The following KLF12 variants were observed in gnomAD, a reference collection of about 807,000 sequenced individuals.
KLF12 encodes Krueppel-like factor 12.
A neutral mutation model predicts 37.8 loss-of-function variants in KLF12; 9 were observed. That is an observed-to-expected ratio of 0.24 (90% confidence interval 0.14 to 0.42). The LOEUF is 0.42. Among genes scored for constraint, KLF12 ranks in the 10% least tolerant of loss-of-function variants. The pLI is 1.00. For synonymous variants in KLF12, 208 were observed against 202.1 expected (o/e 1.03, Z -0.25); for missense variants, 411 against 516.0 (o/e 0.80, Z 1.97).
rs150080724 is a variant in KLF12, at chr13:73,775,706, G to C, written c.807-10706C>G. ...GGTAGTTATGCTATTAGTCCCACTGGTAACACCATTTATTTGGTGAGCTCT... is the reference window on the plus strand; with the variant it reads ...GGTAGTTATGCTATTAGTCCCACTGCTAACACCATTTATTTGGTGAGCTCT... On this transcript the variant is annotated intron_variant, in intron 5 of 7. Transcript: ENST00000377669. 7.8e-3 allele frequency among the ~76,000 whole-genome samples: 1,190 copies of C among 152,240 alleles called. 10 individuals are homozygous for C. Among genetic ancestry groups the C allele is most frequent in the Admixed American group, 9.9e-3 (152 of 15,294 alleles).
At chr13:74,076,192 T>C (rs1018418598) in intron 1 of KLF12, among the ~76,000 whole-genome samples, 3 of 152,166 alleles carry the variant, frequency 2.0e-5, no homozygotes, top group South Asian at 2.1e-4. Flanking sequence ...TAAAAGAAAA[T>C]TTTAAAAGGT....
chr13:73,751,458 C>A (rs1214705763), intron 6 of KLF12, among the ~76,000 whole-genome samples: 1 of 152,124 alleles, frequency 6.6e-6, no homozygotes, highest in Non-Finnish European at 1.5e-5. Context: ...TCTAAACAGA[C>A]CTGTTCGGAG....
At chr13:73,696,224 T>G (rs146558259) in intron 7 of KLF12, among the ~76,000 whole-genome samples, 1 of 152,188 alleles carries the variant, frequency 6.6e-6, no homozygotes, top group Non-Finnish European at 1.5e-5. Flanking sequence ...TTCATAGATA[T>G]CTATTTTTTG....
chr13:73,996,442 C>T (rs78243897), intron 1 of KLF12, among the ~76,000 whole-genome samples: 3,963 of 152,174 alleles, frequency 0.026, 173 homozygotes, highest in African/African-American at 0.09. Flanking sequence ...ACTTCTTAGC[C>T]GAATGTTCAA....
intron 2 of KLF12, among the ~76,000 whole-genome samples, chr13:73,977,119 C>T (rs1037633192): frequency 6.7e-5 from 10 of 150,278 alleles, no homozygotes; most frequent in Admixed American, 6.6e-5. Flanking sequence ...GGCATGATCT[C>T]GACTCACTGC....
At chr13:74,084,955 G>C (rs1415745025) in intron 1 of KLF12, among the ~76,000 whole-genome samples, 1 of 152,022 alleles carries the variant, frequency 6.6e-6, no homozygotes, top group Non-Finnish European at 1.5e-5. Flanking sequence ...TTTTAAAAGA[G>C]AAATGCTATA....
intron 7 of KLF12, among the ~76,000 whole-genome samples, chr13:73,699,471 T>C (rs1172259815): frequency 6.6e-6 from 1 of 151,990 alleles, no homozygotes; most frequent in East Asian, 1.9e-4. Flanking sequence ...CCTAAAAATA[T>C]CCTCAGAATC....
intron 1 of KLF12, among the ~76,000 whole-genome samples, chr13:74,108,865 C>T (rs1028466583): frequency 2.0e-5 from 3 of 151,878 alleles, no homozygotes; most frequent in Non-Finnish European, 4.4e-5. Context: ...TTGTCTTGTC[C>T]CAAGGTAGCA....
intron 5 of KLF12, among the ~76,000 whole-genome samples, chr13:73,798,868 T>C (rs1882134851): frequency 6.6e-6 from 1 of 151,918 alleles, no homozygotes; most frequent in African/African-American, 2.4e-5. Flanking sequence ...CCTCAAAGAG[T>C]TAAAAGCAGA....
intron 6 of KLF12, among the ~76,000 whole-genome samples, chr13:73,751,422 G>T (rs1187231632): frequency 1.3e-5 from 2 of 152,162 alleles, no homozygotes; most frequent in African/African-American, 4.8e-5. Flanking sequence ...TTTAATAATA[G>T]CCATTCTGAC....
chr13:74,000,702 A>G (rs1566499312), intron 1 of KLF12, among the ~76,000 whole-genome samples: 1 of 152,220 alleles, frequency 6.6e-6, no homozygotes, highest in Non-Finnish European at 1.5e-5. Flanking sequence ...TTTCAGAAGG[A>G]GAAGGTAAAG....
At chr13:73,774,499 C>T (rs1363816569) in intron 5 of KLF12, among the ~76,000 whole-genome samples, 1 of 152,068 alleles carries the variant, frequency 6.6e-6, no homozygotes, top group Non-Finnish European at 1.5e-5. Flanking sequence ...CACTTCCTCA[C>T]CACCACAGAA....
upstream of KLF12, among the ~76,000 whole-genome samples, chr13:74,134,916 C>G (rs1055557706): frequency 3.9e-5 from 6 of 151,920 alleles, no homozygotes; most frequent in African/African-American, 1.4e-4. Context: ...CGCCCGCCAG[C>G]GAACTTGGAA....
chr13:73,774,916 C>CTTTTT (rs59877053), intron 5 of KLF12, among the ~76,000 whole-genome samples: 2 of 130,376 alleles, frequency 1.5e-5, no homozygotes, highest in Admixed American at 7.9e-5. Context: ...CTCTCGCATT[C>CTTTTT]TTTTTTTTTT....
At chr13:74,163,677 T>G in the KLF12 span, among the ~76,000 whole-genome samples, 1 of 152,128 alleles carries the variant, frequency 6.6e-6, no homozygotes, top group East Asian at 1.9e-4. Flanking sequence ...AGGGTGACTA[T>G]AGTCAATAAT....
chr13:74,129,599 T>C (rs1878149469), intron 1 of KLF12, among the ~76,000 whole-genome samples: 1 of 151,622 alleles, frequency 6.6e-6, no homozygotes, highest in African/African-American at 2.4e-5. Flanking sequence ...ACAGCAAATG[T>C]GTTTGGAGCA....
At chr13:73,935,508 G>T (rs1390360004) in intron 3 of KLF12, among the ~76,000 whole-genome samples, 1 of 152,096 alleles carries the variant, frequency 6.6e-6, no homozygotes, top group East Asian at 1.9e-4. Flanking sequence ...CTCATTAATG[G>T]CTTGGTGTTG....
At chr13:73,816,225 G>A (rs1413335563) in intron 4 of KLF12, among the ~76,000 whole-genome samples, 1 of 152,154 alleles carries the variant, frequency 6.6e-6, no homozygotes, top group Admixed American at 6.5e-5. Flanking sequence ...ACCTCCATCA[G>A]TCTTTGAGCA....
intron 1 of KLF12, among the ~76,000 whole-genome samples, chr13:74,002,066 C>T (rs1256279832): frequency 1.3e-5 from 2 of 152,124 alleles, no homozygotes; most frequent in Non-Finnish European, 2.9e-5. Flanking sequence ...AAATGAGACA[C>T]TTTATTTGAT....
Sources: allele counts gnomAD v4.1 joint callset (sites outside exome capture counted in the v4.1 genomes callset), GRCh38; gene constraint gnomAD v4.1.1; transcripts MANE v1.5; gene names NCBI Gene and HGNC (gene_info 2026-07-23, HGNC 2026-07-21).